XRCC6: variants seen among roughly 807,000 people sequenced by gnomAD.
XRCC6 encodes the protein X-ray repair cross complementing 6, also known as DNA repair protein Ku70.
In XRCC6, 5 loss-of-function variants were observed where a neutral mutation model predicts 65.7. That is an observed-to-expected ratio of 0.08 (90% CI 0.04 to 0.16). The LOEUF (loss-of-function observed/expected upper bound fraction) is 0.16. Ranked by LOEUF, XRCC6 falls within the 10% of genes least tolerant of loss-of-function variation. The pLI, the probability that XRCC6 is intolerant of heterozygous loss-of-function variation, is 1.00. For missense variants in XRCC6, 447 were observed against 738.1 expected (o/e 0.61, Z 4.57); for synonymous variants, 270 against 270.6 (o/e 1.00, Z 0.02).
intron 3 of XRCC6, among the ~76,000 whole-genome samples, chr22:41,633,149 A>G (rs2067773876): frequency 6.6e-6 from 1 of 152,178 alleles, no homozygotes; most frequent in Non-Finnish European, 1.5e-5. Context: ...TGTATGTAAA[A>G]TAAAATAATA....
chr22:41,652,919 G>A (rs932401234), intron 8 of XRCC6, among the ~76,000 whole-genome samples: 3 of 151,980 alleles, frequency 2.0e-5, no homozygotes, highest in African/African-American at 4.8e-5. Context: ...TGATCCACCC[G>A]CCTGTGCCTC....
At chr22:41,622,192 C>A in intron 2 of XRCC6, 106 bp downstream of exon 2, 2 of 1,151,006 alleles carry the variant, frequency 1.7e-6, no homozygotes. Flanking sequence ...CCTTCTCCTC[C>A]CAGATAATTC....
At chr22:41,643,594 G>A (rs1045169082) in intron 6 of XRCC6, among the ~76,000 whole-genome samples, 1 of 152,136 alleles carries the variant, frequency 6.6e-6, no homozygotes, top group African/African-American at 2.4e-5. Flanking sequence ...GCCGAGACGG[G>A]TGGATCACCT....
rs1475621651 is a variant in XRCC6 at position 41,636,556 on chromosome 22, G to C, written c.375G>C (p.Gln125His). ...RILELDQFKG[Q>H]QGQKRFQDMM... ...TAGAGCTTGACCAGTTTAAGGGGCAGCAGGGACAAAAACGTTTCCAAGACA... is the reference window on the plus strand; with the variant it reads ...TAGAGCTTGACCAGTTTAAGGGGCACCAGGGACAAAAACGTTTCCAAGACA... Residue 125 changes from glutamine to histidine, a missense_variant, in exon 5 of 13, where the codon CAG (glutamine) becomes CAC (histidine). Physicochemically the swap from Gln to His is conservative, Grantham distance 24 (BLOSUM62 0). Coordinates refer to ENST00000360079, the MANE Select transcript of XRCC6 (RefSeq NM_001469.5). 1 of 1,613,964 alleles carries C rather than the reference G, an allele frequency of 6.2e-7. No individual in the cohort carries two copies. Among genetic ancestry groups the C allele is most frequent in the South Asian group, 1.1e-5 (1 of 91,078 alleles).
At chr22:41,643,704 C>G (rs1199431112) in intron 6 of XRCC6, among the ~76,000 whole-genome samples, 1 of 151,916 alleles carries the variant, frequency 6.6e-6, no homozygotes, top group East Asian at 1.9e-4. Flanking sequence ...ACCTGTAATC[C>G]CAGCTACTCA....
rs373827182 is a variant in XRCC6, at chr22:41,628,115, T to C, written c.83-3T>C. 9.4e-6 allele frequency: 15 copies of C among 1,602,916 alleles called. No individual in the cohort carries two copies. Among genetic ancestry groups the C allele is most frequent in the Middle Eastern group, 1.7e-4 (1 of 5,794 alleles). ...ACATTTTCTTCCATTTTTTTCCCCA[T>C]AGGAGACTATAAATATTCAGGAAGA... On this transcript the variant is annotated splice_region_variant and splice_polypyrimidine_tract_variant and intron_variant, in intron 2 of 12. Coordinates refer to ENST00000360079, the MANE Select transcript of XRCC6 (RefSeq NM_001469.5).
At chr22:41,643,910 G>A (rs112662315) in intron 6 of XRCC6, among the ~76,000 whole-genome samples, 1 of 149,420 alleles carries the variant, frequency 6.7e-6, no homozygotes, top group African/African-American at 2.5e-5. Flanking sequence ...TCTTGAACCC[G>A]GGAGGCGGAG....
At chr22:41,626,340 A>G (rs2067672310) in intron 2 of XRCC6, among the ~76,000 whole-genome samples, 3 of 151,532 alleles carry the variant, frequency 2.0e-5, no homozygotes, top group Admixed American at 2.0e-4. Flanking sequence ...ATGGGGTTTC[A>G]CCATGTTGTC....
At chr22:41,622,185 TCTC>T (rs570444632) in intron 2 of XRCC6, 99 bp downstream of exon 2, 77 of 1,221,236 alleles carry the variant, frequency 6.3e-5, no homozygotes, top group African/African-American at 6.2e-4. Flanking sequence ...GGCCTGCCCT[TCTC>T]CTCCCAGATA....
chr22:41,642,187 T>C (rs1178738320), intron 6 of XRCC6, among the ~76,000 whole-genome samples: 1 of 152,238 alleles, frequency 6.6e-6, no homozygotes, highest in Non-Finnish European at 1.5e-5. Context: ...ATATCTCTGA[T>C]ATACAGATTT....
intron 9 of XRCC6, among the ~76,000 whole-genome samples, chr22:41,656,494 C>T (rs1255336888): frequency 6.7e-6 from 1 of 148,536 alleles, no homozygotes; most frequent in South Asian, 2.1e-4. Context: ...CCAGCCTGGG[C>T]GACAAGAGTG....
At chr22:41,656,865 T>TG (rs756345526) in intron 9 of XRCC6, 38 bp from the exon 10 acceptor site, 2 of 1,610,914 alleles carry the variant, frequency 1.2e-6, no homozygotes, top group South Asian at 1.1e-5. Context: ...CTGCAACACT[T>TG]GAAGTCAAAT....
intron 2 of XRCC6, among the ~76,000 whole-genome samples, chr22:41,623,277 A>G (rs2067631179): frequency 6.6e-6 from 1 of 152,054 alleles, no homozygotes; most frequent in Non-Finnish European, 1.5e-5. Context: ...GGATCTTGCT[A>G]TGTTGATCAG....
chr22:41,628,085 G>C, intron 2 of XRCC6, 33 bp from the exon 3 acceptor site: 1 of 1,468,230 alleles, frequency 6.8e-7, no homozygotes, highest in Non-Finnish European at 9.4e-7. Flanking sequence ...CGAAAACAAG[G>C]ACAAACATTT....
chr22:41,640,951 G>A (rs774169911), intron 6 of XRCC6, among the ~76,000 whole-genome samples: 3 of 152,062 alleles, frequency 2.0e-5, no homozygotes, highest in Non-Finnish European at 2.9e-5. Flanking sequence ...GCAAAAAATG[G>A]TACCTCCTTG....
Position 41,661,291 on chromosome 22 carries a change from G to A in XRCC6, c.1523-40G>A, listed in dbSNP as rs201495985. ...GGAAGTGGACAGCAAGCTGGGGCTCGTGACTCACCAGGCCACTCTTCTGTG... is the reference window on the plus strand; with the variant it reads ...GGAAGTGGACAGCAAGCTGGGGCTCATGACTCACCAGGCCACTCTTCTGTG... On this transcript the variant is annotated intron_variant, in intron 11 of 12. Transcript: ENST00000360079. 5.1e-6 allele frequency: 8 copies of A among 1,575,866 alleles called. No homozygotes were observed. In the Admixed American group the frequency reaches 5.3e-5, roughly 11 times the overall value.
At chr22:41,651,761 C>T (rs866141503) in intron 8 of XRCC6, among the ~76,000 whole-genome samples, 2 of 150,566 alleles carry the variant, frequency 1.3e-5, no homozygotes, top group South Asian at 2.1e-4. Flanking sequence ...CTCCTGACCT[C>T]GTGAGCCACT....
intron 3 of XRCC6, among the ~76,000 whole-genome samples, chr22:41,631,151 C>A (rs1045051155): frequency 2.0e-5 from 3 of 148,254 alleles, no homozygotes; most frequent in Non-Finnish European, 3.0e-5. Flanking sequence ...CTGACCCCCC[C>A]ACCTCCCTCC....
intron 3 of XRCC6, among the ~76,000 whole-genome samples, chr22:41,632,078 G>T (rs1391596178): frequency 2.6e-5 from 4 of 151,930 alleles, no homozygotes; most frequent in Non-Finnish European, 4.4e-5. Context: ...GATGGCAGCA[G>T]TACAGTCCAG....
Sources: gnomAD v4.1 joint callset for allele counts (sites outside exome capture counted in the v4.1 genomes callset) on GRCh38, gnomAD v4.1.1 for gene constraint, MANE v1.5 for transcripts, NCBI Gene and HGNC (gene_info 2026-07-23, HGNC 2026-07-21) for gene names.